COL27A1: variants seen among roughly 807,000 people sequenced by gnomAD.
The protein encoded by COL27A1 is collagen alpha-1(XXVII) chain.
Under a neutral mutation model 251.3 loss-of-function variants are expected in COL27A1, and 106 were observed. The ratio of observed to expected loss-of-function variants is 0.42; its 90% confidence interval spans 0.36 to 0.50. The LOEUF is 0.50. Among genes scored for constraint, COL27A1 ranks in the 20% least tolerant of loss-of-function variants. The probability of loss-of-function intolerance (pLI) is 0.00; values close to 1 mark genes in which losing one functional copy is unlikely to be tolerated. For missense variants in COL27A1, 2,325 were observed against 2,522.8 expected, an observed-to-expected ratio of 0.92 and a Z score of 1.68; for synonymous variants, 1,000 against 986.3, an observed-to-expected ratio of 1.01 and a Z score of -0.26.
chr9:114,258,437 T>C (rs2135559855), intron 27 of COL27A1, 104 bp from the exon 28 acceptor site: 1 of 1,173,778 alleles, frequency 8.5e-7, no homozygotes, highest in South Asian at 1.4e-5. Flanking sequence ...AACATGCCCG[T>C]CTGAGGGCTG....
intron 33 of COL27A1, 127 bp downstream of exon 33, chr9:114,266,745 G>C (rs187175988): frequency 2.0e-5 from 16 of 818,756 alleles, no homozygotes; most frequent in African/African-American, 1.3e-4. Flanking sequence ...GTCATGTACC[G>C]TGTAGTTCAG....
intron 49 of COL27A1, 64 bp downstream of exon 49, chr9:114,292,274 T>C: frequency 8.0e-7 from 1 of 1,246,282 alleles, no homozygotes; most frequent in East Asian, 2.5e-5. Context: ...CACATACACC[T>C]ACATGTACAA....
chr9:114,182,617 G>A (rs1360687116), intron 4 of COL27A1, among the ~76,000 whole-genome samples: 1 of 152,184 alleles, frequency 6.6e-6, no homozygotes, highest in South Asian at 2.1e-4. Context: ...AGGGCTGACG[G>A]GGCTAGGCTG....
chr9:114,297,478 C>T (rs1251255215), intron 49 of COL27A1, among the ~76,000 whole-genome samples: 1 of 152,082 alleles, frequency 6.6e-6, no homozygotes, highest in Non-Finnish European at 1.5e-5. Context: ...GAGTCTACAC[C>T]ATGACAAAGT....
upstream of COL27A1, among the ~76,000 whole-genome samples, chr9:114,154,377 G>A (rs1848011324): frequency 6.6e-6 from 1 of 152,240 alleles, no homozygotes; most frequent in Admixed American, 6.5e-5. The surrounding 1 kb of genome is among the most constrained non-coding windows in gnomAD (Gnocchi z 5.8). Context: ...CCCAGTAAGT[G>A]CTTGGGGGCT....
At chr9:114,174,137 C>T (rs905856083) in intron 3 of COL27A1, among the ~76,000 whole-genome samples, 5 of 152,228 alleles carry the variant, frequency 3.3e-5, no homozygotes, top group Middle Eastern at 3.4e-3. Context: ...GCCACCATGC[C>T]TGGCTAATTT....
intron 60 of COL27A1, among the ~76,000 whole-genome samples, chr9:114,310,126 G>T (rs895794817): frequency 1.3e-5 from 2 of 152,098 alleles, no homozygotes; most frequent in African/African-American, 4.8e-5. Context: ...TAGGGAAAAG[G>T]GTGGGAGAGG....
In COL27A1 at chr9:114,245,908, C is replaced by A; in HGVS notation, c.2977C>A (p.Gln993Lys). The A allele has an allele frequency of 1.2e-6, 2 of 1,613,034 alleles. No homozygotes were observed. The highest frequency in any genetic ancestry group is 1.7e-6 in the Non-Finnish European group (2 of 1,179,440). ...TGGTCGGCCGGGGCCTGTGGGAGAG[C>A]AGGTTAGTTAGCAACGGTCTCTGAA... ...DPGRPGPVGE[Q>K]GFMGFIGLVG... Residue 993 changes from glutamine to lysine, a missense_variant and splice_region_variant, in exon 24 of 61, where the codon CAG becomes AAG. Physicochemically the swap from Gln to Lys is moderately conservative, Grantham distance 53. Around this residue, in one of 4 missense-constraint regions of COL27A1, gnomAD observed 662 missense variants for 795.3 expected, o/e 0.83. Transcript: ENST00000356083.
intron 27 of COL27A1, among the ~76,000 whole-genome samples, chr9:114,253,135 T>C (rs1005607752): frequency 6.6e-6 from 1 of 152,108 alleles, no homozygotes; most frequent in Non-Finnish European, 1.5e-5. Context: ...TGACACGCAC[T>C]TGTAATCCCA....
intron 27 of COL27A1, 144 bp downstream of exon 27, chr9:114,253,076 A>G (rs1408865999): frequency 1.4e-6 from 1 of 705,334 alleles, no homozygotes; most frequent in South Asian, 1.8e-5. Context: ...CCTGACAAAC[A>G]TACCAAAACC....
rs1835450838 is a variant in COL27A1, at chr9:114,275,666, CA to C, written c.3616del (p.Arg1206GlyfsTer18). The C allele has an allele frequency of 6.5e-7, 1 of 1,548,120 alleles. No individual in the cohort carries two copies. The highest frequency in any genetic ancestry group is 8.7e-7 in the Non-Finnish European group (1 of 1,145,470). ...CTTCATGCCCTGCCACCCAGGGGGA[CA>C]GGGGAGACCCAGGGCCTGATGGAGA... ...PMGPDGLKGD[R>X]GDPGPDGEHG... On this transcript the variant is annotated frameshift_variant, in exon 37 of 61. Coordinates refer to ENST00000356083, the MANE Select transcript of COL27A1 (RefSeq NM_032888.4). LOFTEE classifies it high-confidence loss of function.
rs762166524 is a variant in COL27A1 at position 114,206,206 on chromosome 9, T to G, written c.2224-46T>G. 1.9e-6 allele frequency: 3 copies of G among 1,594,110 alleles called. No individual in the cohort carries two copies. In the Admixed American group the frequency reaches 5.0e-5, roughly 27 times the overall value. ...GACTTGCCCCAGGATTGGCAGCAGG[T>G]AGAGCGTCTCCATATGTCCTTGCCC... is the stretch of plus-strand genomic sequence containing the variant. On this transcript the variant is annotated intron_variant, in intron 9 of 60. Coordinates refer to ENST00000356083, the MANE Select transcript of COL27A1 (RefSeq NM_032888.4).
chr9:114,258,210 G>A (rs773425968), intron 27 of COL27A1, among the ~76,000 whole-genome samples: 16 of 152,170 alleles, frequency 1.1e-4, no homozygotes, highest in African/African-American at 2.7e-4. Flanking sequence ...GAATGGCATC[G>A]TATCTTCTCA....
chr9:114,175,175 G>A (rs1827318881), intron 3 of COL27A1, among the ~76,000 whole-genome samples: 1 of 152,184 alleles, frequency 6.6e-6, no homozygotes, highest in African/African-American at 2.4e-5. Context: ...TGTTTCCATG[G>A]CTCTGTTTGC....
At chr9:114,223,706 C>G (rs892939744) in intron 14 of COL27A1, among the ~76,000 whole-genome samples, 4 of 152,182 alleles carry the variant, frequency 2.6e-5, no homozygotes, top group Non-Finnish European at 5.9e-5. Flanking sequence ...CTAGCTCTAC[C>G]ACTCATGTAA....
intron 16 of COL27A1, among the ~76,000 whole-genome samples, chr9:114,234,613 C>A (rs879308962): frequency 7.9e-5 from 12 of 152,244 alleles, no homozygotes; most frequent in Admixed American, 1.3e-4. Flanking sequence ...AGGGAGGGAG[C>A]AGAAGAGGCC....
chr9:114,205,168 C>T (rs1326289241), intron 8 of COL27A1, 22 bp downstream of exon 8: 2 of 1,609,796 alleles, frequency 1.2e-6, no homozygotes, highest in African/African-American at 2.7e-5. Context: ...AGCCTCAGCC[C>T]TGCCCTGGTC....
intron 16 of COL27A1, among the ~76,000 whole-genome samples, chr9:114,233,733 G>A (rs1187236040): frequency 6.6e-6 from 1 of 152,190 alleles, no homozygotes; most frequent in African/African-American, 2.4e-5. Context: ...TTGCTGATGG[G>A]AGTTGCCTGG....
At position 114,245,851 on chromosome 9, in the gene COL27A1, T is replaced by G; in HGVS notation, c.2935-15T>G. 1 of 1,613,236 alleles carries G rather than the reference T, an allele frequency of 6.2e-7. No individual in the cohort carries two copies. Among genetic ancestry groups the G allele is most frequent in the Non-Finnish European group, 8.5e-7 (1 of 1,179,498 alleles). On this transcript the variant is annotated splice_polypyrimidine_tract_variant and intron_variant, in intron 23 of 60. Coordinates refer to ENST00000356083, the MANE Select transcript of COL27A1 (RefSeq NM_032888.4). ...TCTCCCATCCCAATCCATCCTCCTCTTTGTCTCTTTGCAGGGGGAACCAGG... is the reference window on the plus strand; with the variant it reads ...TCTCCCATCCCAATCCATCCTCCTCGTTGTCTCTTTGCAGGGGGAACCAGG...
Sources: allele counts gnomAD v4.1 joint callset (sites outside exome capture counted in the v4.1 genomes callset), GRCh38; gene constraint gnomAD v4.1.1; regional missense constraint gnomAD v4.1.1; non-coding constraint Gnocchi (gnomAD v3.1); transcripts MANE v1.5; gene names NCBI Gene and HGNC (gene_info 2026-07-23, HGNC 2026-07-21).